DYRK1A: variants seen among roughly 807,000 people sequenced by gnomAD.
The protein encoded by DYRK1A is dual specificity tyrosine phosphorylation regulated kinase 1A.
A neutral mutation model predicts 79.7 loss-of-function variants in DYRK1A; 9 were observed. The ratio of observed to expected loss-of-function variants is 0.11; its 90% CI spans 0.07 to 0.20. The LOEUF (loss-of-function observed/expected upper bound fraction) is 0.20, where lower values mean the gene tolerates loss of function less well. Among genes scored for constraint, DYRK1A ranks in the 10% least tolerant of loss-of-function variants. DYRK1A has a pLI of 1.00. For missense variants in DYRK1A, 622 were observed against 956.0 expected, an observed-to-expected ratio of 0.65 and a Z score of 4.61; for synonymous variants, 349 against 329.7, an observed-to-expected ratio of 1.06 and a Z score of -0.63.
chr21:37,403,663 ATGTGTGTGTGTGTGTGTGTGTG>A (rs761056038), intron 1 of DYRK1A, among the ~76,000 whole-genome samples: 3 of 121,546 alleles, frequency 2.5e-5, no homozygotes, highest in East Asian at 2.3e-4. Context: ...ATATATATAT[ATGTGTGTGTGTGTGTGTGTGTG>A]TGTGTGTGTG....
chr21:37,505,531 C>T lies in DYRK1A; in HGVS notation c.1461C>T (p.Ser487=), dbSNP rs1333054024. The T allele has an allele frequency of 3.1e-6, 5 of 1,612,154 alleles. No individual in the cohort carries two copies. Among genetic ancestry groups the T allele is most frequent in the Non-Finnish European group, 4.2e-6 (5 of 1,180,018 alleles). The change falls in exon 10 of 12, where the codon AGC becomes AGT. Residue 487 remains serine (S), a synonymous_variant. Transcript: ENST00000647188. ...ATACAAGTAATAGTGTATCTACAAG[C>T]CCCGCCATGGAGCAGTCTCAGTCTT... is the stretch of plus-strand genomic sequence containing the variant. The part of the protein sequence containing the change: ...GTNTSNSVST[S]PAMEQSQSSG...
intron 6 of DYRK1A, chr21:37,486,832 AC>A (rs2148601878): frequency 8.0e-6 from 3 of 376,420 alleles, no homozygotes; most frequent in Non-Finnish European, 1.4e-5. Flanking sequence ...CCATGTAGAA[AC>A]AAATGAGAAT....
At chr21:37,377,344 C>T (rs539280955) in intron 1 of DYRK1A, among the ~76,000 whole-genome samples, 27 of 152,304 alleles carry the variant, frequency 1.8e-4, no homozygotes, top group East Asian at 9.6e-4. Context: ...TGGTCTCCAT[C>T]TCCTGACCTC....
intron 2 of DYRK1A, among the ~76,000 whole-genome samples, chr21:37,424,255 A>C (rs2050555695): frequency 6.6e-6 from 1 of 151,976 alleles, no homozygotes; most frequent in Non-Finnish European, 1.5e-5. Flanking sequence ...CTTTTTTCTT[A>C]CTGATTCAAT....
chr21:37,450,089 A>G (rs2051398548), intron 2 of DYRK1A, among the ~76,000 whole-genome samples: 1 of 152,172 alleles, frequency 6.6e-6, no homozygotes, highest in Non-Finnish European at 1.5e-5. Flanking sequence ...TCCTGCCTCC[A>G]CTGTGGATAG....
At chr21:37,493,933 CTT>C (rs35158368) in intron 8 of DYRK1A, among the ~76,000 whole-genome samples, 12 of 114,220 alleles carry the variant, frequency 1.1e-4, no homozygotes, top group African/African-American at 2.0e-4. Flanking sequence ...TTTAATTCTT[CTT>C]TTTTTTTTTT....
At chr21:37,380,323 G>T (rs561253149) in intron 1 of DYRK1A, among the ~76,000 whole-genome samples, 2 of 152,082 alleles carry the variant, frequency 1.3e-5, no homozygotes, top group East Asian at 3.9e-4. Flanking sequence ...TGATATAAAA[G>T]ATTGTTTTGT....
intron 2 of DYRK1A, among the ~76,000 whole-genome samples, chr21:37,427,767 G>C (rs56232482): frequency 0.14 from 21,066 of 152,004 alleles, 1,583 homozygotes; most frequent in Middle Eastern, 0.16. Context: ...TGCACCCTAG[G>C]ATCCTAGGTA....
chr21:37,514,509 G>A lies in DYRK1A; in HGVS notation c.*1978G>A, dbSNP rs17814764. 2,094 of 152,652 alleles carry A rather than the reference G, an allele frequency of 0.014. 36 individuals are homozygous for A. The highest frequency in any genetic ancestry group is 0.024 in the South Asian group (118 of 4,822). The allele number at this position is 152,652 out of a possible 1,614,324, so 9.5% of individuals were successfully genotyped here. On this transcript the variant is annotated 3_prime_UTR_variant, in exon 12 of 12. Transcript: ENST00000647188. ...TTCATTCTATTGGTCAATTCCATGTGGCTGACTAGGTCAATTTTTTTTCTG... is the reference window on the plus strand; with the variant it reads ...TTCATTCTATTGGTCAATTCCATGTAGCTGACTAGGTCAATTTTTTTTCTG...
chr21:37,482,887 A>G (rs1195978981), intron 5 of DYRK1A, among the ~76,000 whole-genome samples: 1 of 152,212 alleles, frequency 6.6e-6, no homozygotes, highest in Non-Finnish European at 1.5e-5. Context: ...GAAGAGAAAT[A>G]TGGCTCTGTT....
At chr21:37,398,986 C>CTAGG (rs1468352368) in intron 1 of DYRK1A, among the ~76,000 whole-genome samples, 10 of 150,456 alleles carry the variant, frequency 6.6e-5, no homozygotes, top group African/African-American at 2.4e-4. Context: ...GGTGCATTTA[C>CTAGG]TAGGACCTTG....
At position 37,472,864 on chromosome 21, in the gene DYRK1A, A is replaced by C; in HGVS notation, c.191A>C (p.Gln64Pro). The C allele has an allele frequency of 6.3e-7, 1 of 1,579,642 alleles. No individual in the cohort carries two copies. The highest frequency in any genetic ancestry group is 1.2e-5 in the South Asian group (1 of 86,740). ...SALSYSDQIQ[Q>P]PLTNQRRMPQ... ...TTATCATATTCTGACCAGATTCAGC[A>C]ACCTCTAACTAACCAGGTAAGTTCA... is the stretch of plus-strand genomic sequence containing the variant. Residue 64 changes from glutamine (Q) to proline (P), a missense_variant, in exon 3 of 12, where the codon CAA becomes CCA. Transcript: ENST00000647188.
intron 2 of DYRK1A, among the ~76,000 whole-genome samples, chr21:37,468,686 T>A (rs1349934458): frequency 6.6e-6 from 1 of 152,176 alleles, no homozygotes; most frequent in Non-Finnish European, 1.5e-5. Flanking sequence ...GAAACTTGAT[T>A]CCTATTTTAC....
chr21:37,444,199 T>G (rs1255138697), intron 2 of DYRK1A, among the ~76,000 whole-genome samples: 1 of 152,200 alleles, frequency 6.6e-6, no homozygotes, highest in Non-Finnish European at 1.5e-5. Context: ...ACATAAAACA[T>G]TTTTGAAGAC....
chr21:37,370,378 A>G (rs777708933), intron 1 of DYRK1A, among the ~76,000 whole-genome samples: 3 of 151,562 alleles, frequency 2.0e-5, no homozygotes, highest in Non-Finnish European at 4.4e-5. Flanking sequence ...GTATCTAGTT[A>G]TGAGAAGAAA....
intron 1 of DYRK1A, among the ~76,000 whole-genome samples, chr21:37,382,497 CTACTT>C (rs556213379): frequency 0.01 from 1,538 of 152,276 alleles, 23 homozygotes; most frequent in African/African-American, 0.034. Context: ...CCGTTTTAAA[CTACTT>C]TAAACTACTT....
At chr21:37,388,385 GC>G (rs1473008565) in intron 1 of DYRK1A, among the ~76,000 whole-genome samples, 1 of 151,900 alleles carries the variant, frequency 6.6e-6, no homozygotes, top group African/African-American at 2.4e-5. Flanking sequence ...GCCTGACCCT[GC>G]CTCTTTTGCA....
At chr21:37,453,438 A>G (rs983501541) in intron 2 of DYRK1A, among the ~76,000 whole-genome samples, 14 of 152,066 alleles carry the variant, frequency 9.2e-5, no homozygotes, top group Non-Finnish European at 1.8e-4. Context: ...GGTTGATTGT[A>G]GAATCGAGGA....
intron 3 of DYRK1A, among the ~76,000 whole-genome samples, chr21:37,476,799 T>C (rs1442182126): frequency 7.1e-6 from 1 of 139,934 alleles, no homozygotes; most frequent in Non-Finnish European, 1.5e-5. Flanking sequence ...GTCAGACAAA[T>C]AGTATAATCA....
Sources: gnomAD v4.1 joint callset for allele counts (sites outside exome capture counted in the v4.1 genomes callset) on GRCh38, gnomAD v4.1.1 for gene constraint, MANE v1.5 for transcripts, NCBI Gene and HGNC (gene_info 2026-07-23, HGNC 2026-07-21) for gene names.